The following NDUFAF6 variants were observed in gnomAD, a reference collection of about 807,000 sequenced individuals.
NDUFAF6 encodes the protein NADH dehydrogenase (ubiquinone) complex I, assembly factor 6.
In NDUFAF6, 45 loss-of-function variants were observed where a neutral mutation model predicts 40.8. The ratio of observed to expected loss-of-function variants is 1.10; its 90% CI spans 0.87 to 1.42. The LOEUF (loss-of-function observed/expected upper bound fraction) is 1.42, where lower values mean the gene tolerates loss of function less well. NDUFAF6 is among the 40% of genes most tolerant of loss of function. The pLI, the probability that NDUFAF6 is intolerant of heterozygous loss-of-function variation, is 0.00. For missense variants in NDUFAF6, 435 were observed against 418.5 expected (o/e 1.04, Z -0.34); for synonymous variants, 185 against 155.9 (o/e 1.19, Z -1.39).
At chr8:95,024,974 C>CG, upstream of NDUFAF6, 4 of 1,293,098 alleles carry the variant, frequency 3.1e-6, no homozygotes, top group Non-Finnish European at 3.9e-6. Context: ...TGCGCGCCGA[C>CG]GGCGGGGGGT....
chr8:95,017,742 C>T (rs1021958978), intron 2 of NDUFAF6, among the ~76,000 whole-genome samples: 1 of 152,172 alleles, frequency 6.6e-6, no homozygotes, highest in Non-Finnish European at 1.5e-5. Flanking sequence ...TCAACTCCTG[C>T]TTTTCTAGTT....
intron 1 of NDUFAF6, chr8:94,929,487 C>T (rs1370386034): frequency 2.0e-5 from 3 of 152,004 alleles, no homozygotes; most frequent in Non-Finnish European, 4.4e-5. Flanking sequence ...AAGACATCAT[C>T]ACCAGACAGT....
chr8:95,009,162 T>C (rs1324200104), intron 2 of NDUFAF6, among the ~76,000 whole-genome samples: 1 of 150,580 alleles, frequency 6.6e-6, no homozygotes, highest in Non-Finnish European at 1.5e-5. Flanking sequence ...ATCATACCAC[T>C]GCACTCCAGC....
chr8:94,950,416 A>C (rs1268922782), intron 2 of NDUFAF6: 1 of 152,316 alleles, frequency 6.6e-6, no homozygotes, highest in African/African-American at 2.4e-5. Flanking sequence ...ACTGGGATGT[A>C]GTTCTTTGAC....
chr8:94,963,732 A>C (rs571341327), intron 1 of NDUFAF6, among the ~76,000 whole-genome samples: 1 of 152,312 alleles, frequency 6.6e-6, no homozygotes, highest in South Asian at 2.1e-4. Flanking sequence ...AGGTTGGCAA[A>C]TACCCATGAC....
At chr8:95,011,053 A>G (rs1175055367) in intron 2 of NDUFAF6, among the ~76,000 whole-genome samples, 1 of 152,182 alleles carries the variant, frequency 6.6e-6, no homozygotes, top group African/African-American at 2.4e-5. Flanking sequence ...GCCGCCCTGG[A>G]AAGAGTGGGA....
chr8:94,903,367 CAAAG>C (rs1364274190), intron 1 of NDUFAF6, among the ~76,000 whole-genome samples: 1 of 151,830 alleles, frequency 6.6e-6, no homozygotes, highest in African/African-American at 2.4e-5. Flanking sequence ...TCGAAAAAAA[CAAAG>C]AAAACAACAA....
intron 2 of NDUFAF6, among the ~76,000 whole-genome samples, chr8:94,998,233 T>G (rs1826545667): frequency 6.6e-6 from 1 of 152,232 alleles, no homozygotes; most frequent in South Asian, 2.1e-4. Flanking sequence ...ATTAATTAAT[T>G]TTAATGACAG....
chr8:95,111,229 A>G (rs1248136334), intron 4 of NDUFAF6, among the ~76,000 whole-genome samples: 1 of 152,196 alleles, frequency 6.6e-6, no homozygotes, highest in Non-Finnish European at 1.5e-5. Flanking sequence ...AAGAAGAGGC[A>G]AGCCAAAAGG....
At chr8:95,081,168 TTTTTTTTTTTTTTTG>T (rs2132051607) in intron 2 of NDUFAF6, among the ~76,000 whole-genome samples, 1 of 97,986 alleles carries the variant, frequency 1.0e-5, no homozygotes, top group African/African-American at 3.5e-5. Context: ...TTTTTTTTTT[TTTTTTTTTTTTTTTG>T]AGGTGGAGTC....
intron 2 of NDUFAF6, among the ~76,000 whole-genome samples, chr8:95,093,767 TGAGATAATATAG>T (rs894680767): frequency 6.6e-6 from 1 of 152,180 alleles, no homozygotes; most frequent in African/African-American, 2.4e-5. Flanking sequence ...GAGGCTTAGA[TGAGATAATATAG>T]GCAATGTCCT....
intron 1 of NDUFAF6, among the ~76,000 whole-genome samples, chr8:94,908,872 T>C (rs1395508275): frequency 6.6e-6 from 1 of 152,216 alleles, no homozygotes; most frequent in Non-Finnish European, 1.5e-5. Flanking sequence ...CCTAATTTTA[T>C]ATTTGTATGA....
intron 2 of NDUFAF6, among the ~76,000 whole-genome samples, chr8:95,032,643 T>C (rs1828992157): frequency 6.6e-6 from 1 of 152,116 alleles, no homozygotes; most frequent in African/African-American, 2.4e-5. Flanking sequence ...GAATGGTGGA[T>C]GGAGATGAGA....
downstream of NDUFAF6, among the ~76,000 whole-genome samples, chr8:95,061,915 T>G (rs948817179): frequency 1.3e-5 from 2 of 152,046 alleles, no homozygotes; most frequent in African/African-American, 4.8e-5. Flanking sequence ...CCTAGCACTT[T>G]AGGAGGCCGA....
chr8:94,962,622 T>G (rs1823679105), intron 1 of NDUFAF6, among the ~76,000 whole-genome samples: 1 of 151,460 alleles, frequency 6.6e-6, no homozygotes, highest in African/African-American at 2.4e-5. Flanking sequence ...TTTTGTTTTT[T>G]TTTTTTTTGA....
chr8:95,026,208 C>T (rs1184365425), intron 1 of NDUFAF6, among the ~76,000 whole-genome samples: 1 of 152,122 alleles, frequency 6.6e-6, no homozygotes, highest in Non-Finnish European at 1.5e-5. Context: ...GGCTACACGC[C>T]TGTAATCTCC....
intron 2 of NDUFAF6, among the ~76,000 whole-genome samples, chr8:94,997,501 A>T (rs549645726): frequency 6.6e-6 from 1 of 152,320 alleles, no homozygotes; most frequent in East Asian, 1.9e-4. Context: ...TTGACTCAGT[A>T]TCATTTCAGT....
upstream of NDUFAF6, among the ~76,000 whole-genome samples, chr8:95,095,547 G>A (rs1809430691): frequency 6.6e-6 from 1 of 152,106 alleles, no homozygotes; most frequent in Non-Finnish European, 1.5e-5. Flanking sequence ...GCCTGAGGCT[G>A]TTAAATTCCC....
upstream of NDUFAF6, among the ~76,000 whole-genome samples, chr8:95,095,893 G>A (rs1299465412): frequency 6.6e-6 from 1 of 152,114 alleles, no homozygotes; most frequent in Non-Finnish European, 1.5e-5. Context: ...TCGAACTCCT[G>A]GCCTCAAGCG....
Sources: allele counts gnomAD v4.1 joint callset (sites outside exome capture counted in the v4.1 genomes callset), GRCh38; gene constraint gnomAD v4.1.1; transcripts MANE v1.5; gene names NCBI Gene and HGNC (gene_info 2026-07-23, HGNC 2026-07-21).